Variants in IRAK2 observed in about 807,000 individuals in gnomAD.
The protein encoded by IRAK2 is interleukin 1 receptor associated kinase 2, also known as interleukin-1 receptor-associated kinase-like 2.
Under a neutral mutation model 72.0 loss-of-function variants are expected in IRAK2, and 57 were observed. The ratio of observed to expected loss-of-function variants is 0.79; its 90% confidence interval spans 0.64 to 0.99. The LOEUF is 0.99. Ranked by LOEUF, IRAK2 falls within the 50% of genes least tolerant of loss-of-function variation. The probability of loss-of-function intolerance (pLI) is 0.00; values close to 1 mark genes in which losing one functional copy is unlikely to be tolerated. For missense variants in IRAK2, 790 were observed against 794.4 expected, an observed-to-expected ratio of 0.99 and a Z score of 0.07; for synonymous variants, 293 against 312.7, an observed-to-expected ratio of 0.94 and a Z score of 0.67.
At chr3:10,202,784 C>G (rs1697382251) in intron 3 of IRAK2, among the ~76,000 whole-genome samples, 1 of 149,510 alleles carries the variant, frequency 6.7e-6, no homozygotes, top group Non-Finnish European at 1.5e-5. Flanking sequence ...CTCAACTTCC[C>G]TGGCTGAAGC....
intron 1 of IRAK2, 84 bp from the exon 2 acceptor site, chr3:10,177,754 A>G (rs760974488): frequency 1.7e-5 from 23 of 1,368,088 alleles, no homozygotes; most frequent in Non-Finnish European, 2.3e-5. Context: ...GTCCTGGAAA[A>G]GCCCAGCTAG....
chr3:10,228,500 G>A (rs998585462), intron 10 of IRAK2, among the ~76,000 whole-genome samples: 1 of 152,166 alleles, frequency 6.6e-6, no homozygotes, highest in Non-Finnish European at 1.5e-5. Flanking sequence ...GCAGTCCTCT[G>A]GGGCTCCCCG....
chr3:10,236,647 C>T (rs1208608941), intron 11 of IRAK2, among the ~76,000 whole-genome samples: 2 of 152,122 alleles, frequency 1.3e-5, no homozygotes, highest in African/African-American at 4.8e-5. Context: ...TGTGCCCAGC[C>T]TCACTAAGGT....
chr3:10,183,520 A>C, intron 2 of IRAK2, among the ~76,000 whole-genome samples: 1 of 152,310 alleles, frequency 6.6e-6, no homozygotes, highest in East Asian at 1.9e-4. Context: ...GATCGAGACC[A>C]TCCTGGCTAA....
At chr3:10,235,106 C>A (rs1162156523) in intron 11 of IRAK2, among the ~76,000 whole-genome samples, 1 of 152,118 alleles carries the variant, frequency 6.6e-6, no homozygotes, top group Non-Finnish European at 1.5e-5. Context: ...GTGGGGCGGT[C>A]CAGCATGCAA....
chr3:10,194,302 A>G (rs1307442239), intron 2 of IRAK2, among the ~76,000 whole-genome samples: 2 of 152,346 alleles, frequency 1.3e-5, no homozygotes, highest in South Asian at 2.1e-4. Context: ...CTTTGATCAC[A>G]GTCTGTGTTT....
chr3:10,237,012 C>T (rs713016), intron 11 of IRAK2, among the ~76,000 whole-genome samples: 34,691 of 152,116 alleles, frequency 0.23, 5,455 homozygotes, highest in East Asian at 0.71. Context: ...CAGGCCATCA[C>T]ACCTGCAATC....
chr3:10,238,963 A>C lies in IRAK2; in HGVS notation c.1689A>C (p.Gly563=). 3 of 1,614,016 alleles carry C rather than the reference A, an allele frequency of 1.9e-6. No homozygotes were observed. The highest frequency in any genetic ancestry group is 2.2e-5 in the East Asian group (1 of 44,856). The change falls in exon 12 of 13, where the codon GGA becomes GGC. Residue 563 remains glycine (G), a synonymous_variant. Coordinates refer to ENST00000256458, the MANE Select transcript of IRAK2 (RefSeq NM_001570.4). ...TTCTCCCCACAGAGAATGGGGAAGG[A>C]AGGCTGCGGGTCATCGTGGGAAGGG... ...TPLLPTENGE[G]RLRVIVGREA...
intron 3 of IRAK2, among the ~76,000 whole-genome samples, chr3:10,205,885 C>T (rs561484995): frequency 1.4e-4 from 22 of 152,246 alleles, no homozygotes; most frequent in African/African-American, 4.8e-4. Context: ...CTGAGGGATG[C>T]GGGCCAAGGG....
chr3:10,194,260 C>T (rs535150682), intron 2 of IRAK2, among the ~76,000 whole-genome samples: 78 of 152,376 alleles, frequency 5.1e-4, no homozygotes, highest in African/African-American at 1.9e-3. Flanking sequence ...CCGACGCTTC[C>T]CCACGCTTAC....
intron 1 of IRAK2, among the ~76,000 whole-genome samples, chr3:10,168,314 G>A (rs1007994326): frequency 4.0e-5 from 6 of 151,540 alleles, no homozygotes; most frequent in Non-Finnish European, 5.9e-5. Flanking sequence ...GGGTTCAAGC[G>A]ATTCTTGTGC....
chr3:10,212,624 A>G (rs1697537310), intron 4 of IRAK2, among the ~76,000 whole-genome samples: 1 of 152,102 alleles, frequency 6.6e-6, no homozygotes, highest in Admixed American at 6.6e-5. Flanking sequence ...AGTCTTCAAA[A>G]TTACTCTTCG....
At chr3:10,207,182 A>C (rs897317282) in intron 3 of IRAK2, among the ~76,000 whole-genome samples, 1 of 151,872 alleles carries the variant, frequency 6.6e-6, no homozygotes, top group Non-Finnish European at 1.5e-5. Flanking sequence ...TAAACTCTTA[A>C]CCTCAGGTGA....
chr3:10,230,937 G>C (rs920662324), intron 10 of IRAK2, among the ~76,000 whole-genome samples: 6 of 151,928 alleles, frequency 3.9e-5, no homozygotes, highest in African/African-American at 1.4e-4. Context: ...ATTTTTAATA[G>C]AGACAGGGTT....
intron 6 of IRAK2, among the ~76,000 whole-genome samples, chr3:10,215,755 C>T (rs1697595942): frequency 6.6e-6 from 1 of 151,232 alleles, no homozygotes; most frequent in South Asian, 2.1e-4. Flanking sequence ...CATGTGTACA[C>T]ACACACACAC....
rs375644962 is a variant in IRAK2 at position 10,213,165 on chromosome 3, A to C, written c.529-42A>C. 13 of 1,555,678 alleles carry C rather than the reference A, an allele frequency of 8.4e-6. No homozygotes were observed. The African/African-American group carries it at 1.8e-4, about 21-fold the overall frequency. ...GTCCCTTGAGGTAGCAGAGAAAACGAGATTCCATAGTAATCTCCATCTCTT... is the reference window on the plus strand; with the variant it reads ...GTCCCTTGAGGTAGCAGAGAAAACGCGATTCCATAGTAATCTCCATCTCTT... On this transcript the variant is annotated intron_variant, in intron 4 of 12. Coordinates refer to ENST00000256458, the MANE Select transcript of IRAK2 (RefSeq NM_001570.4).
At chr3:10,182,213 C>T (rs540549553) in intron 2 of IRAK2, among the ~76,000 whole-genome samples, 19 of 152,182 alleles carry the variant, frequency 1.2e-4, no homozygotes, top group Admixed American at 5.9e-4. Flanking sequence ...AGGTGATCCA[C>T]CGGCCTTGGC....
intron 9 of IRAK2, among the ~76,000 whole-genome samples, chr3:10,223,231 T>A (rs1697723890): frequency 6.6e-6 from 1 of 152,136 alleles, no homozygotes; most frequent in Non-Finnish European, 1.5e-5. Context: ...AGCCATCCAC[T>A]TGTCCATCCA....
At position 10,219,090 on chromosome 3, in the gene IRAK2, C is replaced by T. The variant is rs546822924; in HGVS notation, c.904-590C>T. ...GCACGTGCCTGTGATCCCAGCTATT[C>T]GGGAGTCTGAGGCGGGAGAGTCACT... On this transcript the variant is annotated intron_variant, in intron 7 of 12. Coordinates refer to ENST00000256458, the MANE Select transcript of IRAK2 (RefSeq NM_001570.4). 1.6e-3 allele frequency among the ~76,000 whole-genome samples: 238 copies of T among 152,208 alleles called. 1 individual carries two copies. Among genetic ancestry groups the T allele is most frequent in the African/African-American group, 5.1e-3 (211 of 41,538 alleles).
Sources: gnomAD v4.1 joint callset for allele counts (sites outside exome capture counted in the v4.1 genomes callset) on GRCh38, gnomAD v4.1.1 for gene constraint, MANE v1.5 for transcripts, NCBI Gene and HGNC (gene_info 2026-07-23, HGNC 2026-07-21) for gene names.